LRRFIP1: variants seen among roughly 807,000 people sequenced by gnomAD.
LRRFIP1 encodes the protein leucine-rich repeat flightless-interacting protein 1.
A neutral mutation model predicts 104.4 loss-of-function variants in LRRFIP1; 62 were observed. The observed-to-expected ratio is 0.59, with a 90% confidence interval of 0.48 to 0.73. The LOEUF (loss-of-function observed/expected upper bound fraction) is 0.73, where lower values mean the gene tolerates loss of function less well. Among genes scored for constraint, LRRFIP1 ranks in the 30% least tolerant of loss-of-function variants. The pLI, the probability that LRRFIP1 is intolerant of heterozygous loss-of-function variation, is 0.00. For missense variants in LRRFIP1, 796 were observed against 824.5 expected (o/e 0.97, Z 0.42); for synonymous variants, 300 against 299.0 (o/e 1.00, Z -0.03).
intron 1 of LRRFIP1, among the ~76,000 whole-genome samples, chr2:237,634,915 G>A (rs1031375839): frequency 7.2e-5 from 11 of 152,036 alleles, no homozygotes; most frequent in African/African-American, 2.4e-4. Flanking sequence ...ATTCTCCCAT[G>A]GAAATCTACC....
intron 1 of LRRFIP1, among the ~76,000 whole-genome samples, chr2:237,655,923 C>T (rs2086746961): frequency 6.6e-6 from 1 of 152,218 alleles, no homozygotes; most frequent in Admixed American, 6.5e-5. Context: ...ACATCGCTTT[C>T]CAGTTTACTC....
chr2:237,719,271 C>T (rs991704092), intron 4 of LRRFIP1, among the ~76,000 whole-genome samples: 4 of 152,176 alleles, frequency 2.6e-5, no homozygotes, highest in African/African-American at 4.8e-5. Context: ...AGCTTCTGCC[C>T]CAAACACTGT....
chr2:237,674,878 G>A (rs2090902466), intron 1 of LRRFIP1, among the ~76,000 whole-genome samples: 1 of 152,258 alleles, frequency 6.6e-6, no homozygotes, highest in Admixed American at 6.5e-5. Flanking sequence ...GCACGTGCTG[G>A]CTGTTGAACT....
At position 237,687,870 on chromosome 2, in the gene LRRFIP1, G is replaced by A. The variant is rs544940370; in HGVS notation, c.97-20674G>A. Among the ~76,000 whole-genome samples, 15 of 152,328 alleles carry A rather than the reference G, an allele frequency of 9.8e-5. No individual in the cohort carries two copies. The South Asian group carries it at 2.9e-3, about 29-fold the overall frequency. On this transcript the variant is annotated intron_variant, in intron 1 of 23. Coordinates refer to ENST00000308482, the MANE Select transcript of LRRFIP1 (RefSeq NM_001137550.2). The stretch of plus-strand genomic sequence containing the variant: ...GTCATCCCTGTAAGGGTTTGTCTCT[G>A]TAGCCCCAAACCACAGTGGGAGGCG...
At chr2:237,750,210 T>C (rs1409683236) in intron 13 of LRRFIP1, among the ~76,000 whole-genome samples, 3 of 152,072 alleles carry the variant, frequency 2.0e-5, no homozygotes, top group Non-Finnish European at 2.9e-5. Flanking sequence ...TTCCAACACC[T>C]ATGTTTTATA....
intron 9 of LRRFIP1, among the ~76,000 whole-genome samples, chr2:237,734,438 A>G (rs1279894066): frequency 1.3e-5 from 2 of 151,714 alleles, no homozygotes; most frequent in African/African-American, 4.8e-5. Context: ...GTGTCACCAC[A>G]CCCAGTTACT....
At chr2:237,673,284 G>GGACA (rs1559514784) in intron 1 of LRRFIP1, among the ~76,000 whole-genome samples, 1 of 152,222 alleles carries the variant, frequency 6.6e-6, no homozygotes, top group African/African-American at 2.4e-5. Context: ...GACAATGCGG[G>GGACA]GACAGCGCTG....
At position 237,715,562 on chromosome 2, in the gene LRRFIP1, A is replaced by G. The variant is rs192593794; in HGVS notation, c.201+1286A>G. Among the ~76,000 whole-genome samples, 7 of 152,364 alleles carry G rather than the reference A, an allele frequency of 4.6e-5. 1 individual carries two copies. The highest frequency in any genetic ancestry group is 3.3e-4 in the Admixed American group (5 of 15,308). ...AATTTGTGTAGAATGTGAAGCTAGA[A>G]GGAGCCCCGGAAACCTGCAGTGGAG... On this transcript the variant is annotated intron_variant, in intron 3 of 23. Coordinates refer to ENST00000308482, the MANE Select transcript of LRRFIP1 (RefSeq NM_001137550.2).
chr2:237,749,068 C>T (rs766604291), intron 12 of LRRFIP1, 131 bp from the exon 13 acceptor site: 25 of 893,624 alleles, frequency 2.8e-5, no homozygotes, highest in Middle Eastern at 3.5e-4. Context: ...AAACTGCCCC[C>T]GTGATCCAGT....
At chr2:237,650,129 A>G (rs576432628) in intron 1 of LRRFIP1, among the ~76,000 whole-genome samples, 4 of 150,922 alleles carry the variant, frequency 2.7e-5, no homozygotes, top group Non-Finnish European at 5.9e-5. Context: ...TAGGGTGGAG[A>G]GAGGAACAAG....
intron 1 of LRRFIP1, among the ~76,000 whole-genome samples, chr2:237,633,455 C>T (rs1210117689): frequency 1.3e-5 from 2 of 152,184 alleles, no homozygotes; most frequent in African/African-American, 4.8e-5. Context: ...AGCTGTCTCC[C>T]TTCTTCCTTT....
intron 11 of LRRFIP1, among the ~76,000 whole-genome samples, chr2:237,747,499 G>A (rs541115910): frequency 6.6e-5 from 10 of 152,282 alleles, no homozygotes; most frequent in Middle Eastern, 3.4e-3. Context: ...CGGCACCAGC[G>A]TCTGTGCAGC....
chr2:237,702,843 C>T (rs992561000), intron 1 of LRRFIP1, among the ~76,000 whole-genome samples: 1 of 152,114 alleles, frequency 6.6e-6, no homozygotes, highest in Admixed American at 6.5e-5. Flanking sequence ...GTTTAAAGAG[C>T]CCTGTGCCCC....
chr2:237,655,270 C>T (rs1347367138), intron 1 of LRRFIP1, among the ~76,000 whole-genome samples: 1 of 149,310 alleles, frequency 6.7e-6, no homozygotes, highest in Non-Finnish European at 1.5e-5. Flanking sequence ...ATCACCATGC[C>T]CAGCTAATTT....
chr2:237,704,492 G>A (rs1307274633), intron 1 of LRRFIP1, among the ~76,000 whole-genome samples: 1 of 152,140 alleles, frequency 6.6e-6, no homozygotes, highest in Non-Finnish European at 1.5e-5. Context: ...TAAGCAAGTG[G>A]CAAGAGTTAT....
intron 1 of LRRFIP1, among the ~76,000 whole-genome samples, chr2:237,680,298 C>T (rs2091662765): frequency 6.6e-6 from 1 of 152,158 alleles, no homozygotes; most frequent in African/African-American, 2.4e-5. Context: ...TCAAGACCAG[C>T]CTGGTCAACA....
chr2:237,681,664 G>A (rs1440261914), intron 1 of LRRFIP1, among the ~76,000 whole-genome samples: 1 of 137,626 alleles, frequency 7.3e-6, no homozygotes, highest in Non-Finnish European at 1.6e-5. Context: ...ACCGTGCCCG[G>A]CCGCAGTCCT....
intron 1 of LRRFIP1, chr2:237,692,479 A>C: frequency 6.5e-7 from 1 of 1,532,648 alleles, no homozygotes; most frequent in Non-Finnish European, 8.8e-7. Context: ...CGGCCGCTCA[A>C]AGCCGGGAGA....
chr2:237,701,273 A>G (rs1252377670), intron 1 of LRRFIP1, among the ~76,000 whole-genome samples: 1 of 152,206 alleles, frequency 6.6e-6, no homozygotes, highest in African/African-American at 2.4e-5. Context: ...TAGGAGCCAC[A>G]AGAAGGATAC....
Sources: allele counts gnomAD v4.1 joint callset (sites outside exome capture counted in the v4.1 genomes callset), GRCh38; gene constraint gnomAD v4.1.1; transcripts MANE v1.5; gene names NCBI Gene and HGNC (gene_info 2026-07-23, HGNC 2026-07-21).